Variants in MYO9B observed in about 807,000 individuals in gnomAD.
MYO9B encodes the protein myosin IXB, also known as unconventional myosin-IXb.
Under a neutral mutation model 229.5 loss-of-function variants are expected in MYO9B, and 71 were observed. The ratio of observed to expected loss-of-function variants is 0.31; its 90% CI spans 0.26 to 0.38. The LOEUF (loss-of-function observed/expected upper bound fraction) is 0.38, where lower values mean the gene tolerates loss of function less well. Ranked by LOEUF, MYO9B falls within the 10% of genes least tolerant of loss-of-function variation. MYO9B has a pLI of 1.00. For missense variants in MYO9B, 2,255 were observed against 2,920.5 expected, an observed-to-expected ratio of 0.77 and a Z score of 5.25; for synonymous variants, 1,185 against 1,235.8, an observed-to-expected ratio of 0.96 and a Z score of 0.86.
In MYO9B at chr19:17,206,136, G is replaced by A. The variant is rs1424396798; in HGVS notation, c.5241G>A (p.Arg1747=). 6 of 1,606,722 alleles carry A rather than the reference G, an allele frequency of 3.7e-6. No individual in the cohort carries two copies. The East Asian group carries it at 9.0e-5, about 24-fold the overall frequency. The part of the protein sequence containing the change: ...SGAANRTREL[R]QALQTDPAAV... ...CTGCCAACCGCACTCGGGAGCTCCG[G>A]CAGGCGCTGCAGACAGGTGGGCGCT... The change falls in exon 32 of 40, where the codon CGG becomes CGA. Residue 1747 remains arginine, a synonymous_variant. Coordinates refer to ENST00000682292, the MANE Select transcript of MYO9B (RefSeq NM_004145.4).
At chr19:17,190,543 C>A (rs929278557) in intron 19 of MYO9B, among the ~76,000 whole-genome samples, 36 of 149,766 alleles carry the variant, frequency 2.4e-4, no homozygotes, top group African/African-American at 8.8e-4. Flanking sequence ...GAGACTGAGG[C>A]AGGAGGCTCA....
Position 17,163,097 on chromosome 19 carries a change from A to T in MYO9B, c.1646A>T (p.Asn549Ile). 1 of 1,562,472 alleles carries T rather than the reference A, an allele frequency of 6.4e-7. No homozygotes were observed. The highest frequency in any genetic ancestry group is 8.7e-7 in the Non-Finnish European group (1 of 1,152,792). ...YANEQLQYYF[N>I]QHIFKLEQEE... ...AATGAGCAGCTGCAGTATTACTTCA[A>T]CCAGCACATCTTCAAGCTGGAGCAG... Residue 549 changes from asparagine (N) to isoleucine (I), a missense_variant, in exon 10 of 40, where the codon AAC (asparagine) becomes ATC (isoleucine). Around this residue, in one of 7 missense-constraint regions of MYO9B, gnomAD observed 220 missense variants for 404.5 expected, o/e 0.54. Transcript: ENST00000682292.
At position 17,206,806 on chromosome 19, in the gene MYO9B, C is replaced by G. The variant is rs1261932936; in HGVS notation, c.5492+22C>G. 11 of 1,527,448 alleles carry G rather than the reference C, an allele frequency of 7.2e-6. 1 individual carries two copies. The South Asian group carries it at 1.3e-4, about 18-fold the overall frequency. 94.6% of individuals were successfully genotyped at this position (1,527,448 alleles called of 1,614,324 possible). On this transcript the variant is annotated intron_variant, in intron 34 of 39. Transcript: ENST00000682292. Reference sequence around the variant, plus strand: ...TCAAGCAAGTGCCTCCCCACCTGCCCTCTGTGGGGTTAGGGTCGCATTGGG... The same window carrying G: ...TCAAGCAAGTGCCTCCCCACCTGCCGTCTGTGGGGTTAGGGTCGCATTGGG...
At chr19:17,090,647 A>C (rs2057628851) in intron 1 of MYO9B, among the ~76,000 whole-genome samples, 2 of 152,196 alleles carry the variant, frequency 1.3e-5, no homozygotes, top group South Asian at 4.1e-4. Flanking sequence ...TGATGCTGTC[A>C]GCTGGAGGAT....
intron 2 of MYO9B, among the ~76,000 whole-genome samples, chr19:17,115,508 G>T (rs979419595): frequency 2.2e-5 from 3 of 138,542 alleles, no homozygotes; most frequent in East Asian, 2.1e-4. Flanking sequence ...TTGCTTGGTC[G>T]CCCAGGCTGG....
chr19:17,150,944 A>T (rs977473872), intron 3 of MYO9B, among the ~76,000 whole-genome samples: 1 of 140,582 alleles, frequency 7.1e-6, no homozygotes, highest in Non-Finnish European at 1.6e-5. Flanking sequence ...ACCTCTGAGA[A>T]CTTAATTTGG....
At chr19:17,144,406 AC>A (rs1036625221) in intron 2 of MYO9B, among the ~76,000 whole-genome samples, 1 of 148,910 alleles carries the variant, frequency 6.7e-6, no homozygotes, top group Admixed American at 6.7e-5. Flanking sequence ...GGAGTTCCAG[AC>A]CAGCCTGGGC....
chr19:17,145,938 GGATGGATGGATGGAT>G (rs1167726072), intron 3 of MYO9B, among the ~76,000 whole-genome samples: 95 of 149,816 alleles, frequency 6.3e-4, no homozygotes, highest in Non-Finnish European at 8.9e-4. Context: ...ATGAGGGGAT[GGATGGATGGATGGAT>G]GATGGATGGA....
At chr19:17,155,736 G>T (rs561954286) in intron 6 of MYO9B, among the ~76,000 whole-genome samples, 2 of 151,608 alleles carry the variant, frequency 1.3e-5, no homozygotes, top group East Asian at 3.9e-4. Flanking sequence ...TGGCACCTCT[G>T]GCCCGGGCGC....
intron 2 of MYO9B, among the ~76,000 whole-genome samples, chr19:17,107,628 G>A (rs1297323000): frequency 2.0e-5 from 3 of 152,224 alleles, no homozygotes; most frequent in Non-Finnish European, 4.4e-5. Context: ...GGCTCTGGGG[G>A]AGGATGCTTC....
intron 9 of MYO9B, 131 bp downstream of exon 9, chr19:17,162,597 G>C (rs2072615856): frequency 1.3e-6 from 1 of 784,694 alleles, no homozygotes; most frequent in Admixed American, 2.4e-5. Context: ...TCCCCACAAG[G>C]ACAGGCCCAG....
At chr19:17,188,283 G>T (rs927318382) in intron 19 of MYO9B, among the ~76,000 whole-genome samples, 1 of 151,922 alleles carries the variant, frequency 6.6e-6, no homozygotes, top group East Asian at 1.9e-4. Flanking sequence ...ACAAAAATTA[G>T]CCGGGTGTGG....
intron 29 of MYO9B, 127 bp from the exon 30 acceptor site, chr19:17,203,020 C>A: frequency 7.2e-6 from 10 of 1,384,994 alleles, no homozygotes; most frequent in Non-Finnish European, 1.0e-5. Context: ...TGTGTTTTTC[C>A]CCCGGCATAT....
intron 2 of MYO9B, among the ~76,000 whole-genome samples, chr19:17,126,098 C>T (rs1304091172): frequency 6.6e-6 from 1 of 152,194 alleles, no homozygotes. Flanking sequence ...CCCCACTAAC[C>T]TCCTCATTCC....
At chr19:17,082,792 G>A (rs1364129518) in intron 1 of MYO9B, among the ~76,000 whole-genome samples, 1 of 152,122 alleles carries the variant, frequency 6.6e-6, no homozygotes, top group Admixed American at 6.6e-5. Flanking sequence ...CTTTCCCCTG[G>A]GTGGTCCCTC....
At chr19:17,104,260 A>G (rs953227903) in intron 2 of MYO9B, among the ~76,000 whole-genome samples, 1 of 152,078 alleles carries the variant, frequency 6.6e-6, no homozygotes, top group Non-Finnish European at 1.5e-5. Flanking sequence ...GGGATGGCGA[A>G]GCATTGTCGG....
intron 2 of MYO9B, among the ~76,000 whole-genome samples, chr19:17,119,450 G>A (rs1264309712): frequency 2.6e-5 from 4 of 152,204 alleles, no homozygotes; most frequent in Admixed American, 1.3e-4. Flanking sequence ...GGAGTCACAG[G>A]ACACTGAGGC....
chr19:17,126,917 AC>A (rs1353940765), intron 2 of MYO9B, among the ~76,000 whole-genome samples: 20 of 32,702 alleles, frequency 6.1e-4, no homozygotes, highest in African/African-American at 2.1e-3. Flanking sequence ...CCCCACCCCC[AC>A]CCCCACCCCC....
rs553517167 is a variant in MYO9B, at chr19:17,113,030, C to T, written c.840+10473C>T. On this transcript the variant is annotated intron_variant, in intron 2 of 39. Coordinates refer to ENST00000682292, the MANE Select transcript of MYO9B (RefSeq NM_004145.4). ...CAGAAGGCAGAAGTCACCCATGTCA[C>T]GAGGAGCAAAGGGAAGCCAGCATTT... 2.2e-3 allele frequency among the ~76,000 whole-genome samples: 334 copies of T among 152,312 alleles called. 2 individuals are homozygous for T. The highest frequency in any genetic ancestry group is 3.9e-3 in the Non-Finnish European group (264 of 68,024).
Sources: gnomAD v4.1 joint callset for allele counts (sites outside exome capture counted in the v4.1 genomes callset) on GRCh38, gnomAD v4.1.1 for gene constraint, gnomAD v4.1.1 regional missense constraint, MANE v1.5 for transcripts, NCBI Gene and HGNC (gene_info 2026-07-23, HGNC 2026-07-21) for gene names.